Variants in TRHDE observed in about 807,000 individuals in gnomAD.
The protein encoded by TRHDE is thyrotropin-releasing hormone-degrading ectoenzyme.
Under a neutral mutation model 125.7 loss-of-function variants are expected in TRHDE, and 72 were observed. The observed-to-expected ratio is 0.57, with a 90% confidence interval of 0.47 to 0.70. The LOEUF (loss-of-function observed/expected upper bound fraction) is 0.70, where lower values mean the gene tolerates loss of function less well. Among genes scored for constraint, TRHDE ranks in the 30% least tolerant of loss-of-function variants. The probability of loss-of-function intolerance (pLI) is 0.00; values close to 1 mark genes in which losing one functional copy is unlikely to be tolerated. For synonymous variants in TRHDE, 509 were observed against 509.1 expected, an observed-to-expected ratio of 1.00 and a Z score of 0.00; for missense variants, 1,110 against 1,327.1, an observed-to-expected ratio of 0.84 and a Z score of 2.54.
chr12:72,469,178 G>T (rs1876525360), intron 3 of TRHDE, among the ~76,000 whole-genome samples: 1 of 152,130 alleles, frequency 6.6e-6, no homozygotes, highest in Non-Finnish European at 1.5e-5. Context: ...CCAGACCAGA[G>T]CCTGTGGGTC....
intron 2 of TRHDE, among the ~76,000 whole-genome samples, chr12:72,219,952 G>T (rs138009104): frequency 6.6e-6 from 1 of 152,278 alleles, no homozygotes; most frequent in East Asian, 1.9e-4. Flanking sequence ...TTTGCAGAAA[G>T]AAATAACTAA....
intron 2 of TRHDE, among the ~76,000 whole-genome samples, chr12:72,144,280 C>G (rs181217990): frequency 3.2e-4 from 48 of 152,226 alleles, no homozygotes; most frequent in Non-Finnish European, 6.3e-4. Context: ...CTTTGAACCC[C>G]CTCCTCTGCA....
At chr12:72,199,710 T>C (rs1288706837) in intron 2 of TRHDE, among the ~76,000 whole-genome samples, 2 of 152,194 alleles carry the variant, frequency 1.3e-5, no homozygotes, top group Non-Finnish European at 1.5e-5. Context: ...GCAACTGAGA[T>C]AGGCTTTCAA....
At position 72,663,805 on chromosome 12, in the gene TRHDE, T is replaced by C. The variant is rs1875012408; in HGVS notation, c.*610T>C. 6.6e-6 allele frequency: 1 copy of C among 152,298 alleles called. No individual in the cohort carries two copies. Among genetic ancestry groups the C allele is most frequent in the Non-Finnish European group, 1.5e-5 (1 of 68,026 alleles). The allele number at this position is 152,298 out of a possible 1,614,324, so 9.4% of individuals were successfully genotyped here. On this transcript the variant is annotated 3_prime_UTR_variant, in exon 19 of 19. Coordinates refer to ENST00000261180, the MANE Select transcript of TRHDE (RefSeq NM_013381.3). ...TGTCTGGCAATGATTACTGTGTTGC[T>C]AACTCATTTTCTTTGAGTTAAAGCT...
intron 1 of TRHDE, among the ~76,000 whole-genome samples, chr12:72,099,022 G>A (rs971837400): frequency 5.3e-5 from 8 of 152,014 alleles, no homozygotes; most frequent in African/African-American, 7.2e-5. Flanking sequence ...AAAATTTGCC[G>A]GGCATGGTGG....
At chr12:72,407,541 A>G (rs888347224) in intron 3 of TRHDE, among the ~76,000 whole-genome samples, 2 of 152,226 alleles carry the variant, frequency 1.3e-5, no homozygotes, top group Non-Finnish European at 2.9e-5. Context: ...CAACATTTGC[A>G]CTGGAATAAA....
chr12:72,494,755 T>C (rs1877831782), intron 5 of TRHDE, among the ~76,000 whole-genome samples: 1 of 152,144 alleles, frequency 6.6e-6, no homozygotes, highest in African/African-American at 2.4e-5. Context: ...TATTAATAAT[T>C]CCCTTCACAG....
At chr12:72,152,466 T>C (rs1002923898) in intron 2 of TRHDE, among the ~76,000 whole-genome samples, 1 of 152,130 alleles carries the variant, frequency 6.6e-6, no homozygotes, top group Admixed American at 6.5e-5. Context: ...GGCATCCCTG[T>C]CTTGTGCCAG....
At chr12:72,098,841 G>A (rs1874998578) in intron 1 of TRHDE, among the ~76,000 whole-genome samples, 1 of 152,144 alleles carries the variant, frequency 6.6e-6, no homozygotes, top group African/African-American at 2.4e-5. Flanking sequence ...CAGAGGAACT[G>A]CTGAGTCAAA....
At chr12:72,247,525 G>C (rs915944644) in intron 2 of TRHDE, among the ~76,000 whole-genome samples, 1 of 152,120 alleles carries the variant, frequency 6.6e-6, no homozygotes, top group Non-Finnish European at 1.5e-5. Context: ...CAGAAATTTT[G>C]ATTGGGATAG....
intron 2 of TRHDE, among the ~76,000 whole-genome samples, chr12:72,228,881 G>A (rs1176853206): frequency 6.6e-6 from 1 of 152,176 alleles, no homozygotes; most frequent in East Asian, 1.9e-4. Context: ...CATCACAAGA[G>A]TCACCTTTTC....
chr12:72,088,636 T>A (rs1162629750), intron 1 of TRHDE, among the ~76,000 whole-genome samples: 1 of 152,058 alleles, frequency 6.6e-6, no homozygotes, highest in African/African-American at 2.4e-5. Flanking sequence ...AATGATGAAA[T>A]ATCTGGCTAC....
At chr12:72,511,991 A>C (rs540059625) in intron 6 of TRHDE, among the ~76,000 whole-genome samples, 7 of 152,082 alleles carry the variant, frequency 4.6e-5, no homozygotes, top group Non-Finnish European at 8.8e-5. Flanking sequence ...TTGTTAACTA[A>C]TGGTTTAGAT....
At position 72,542,271 on chromosome 12, in the gene TRHDE, TTTA is replaced by T; in HGVS notation, c.1723-14_1723-12del. On this transcript the variant is annotated splice_polypyrimidine_tract_variant and intron_variant, in intron 6 of 18. Coordinates refer to ENST00000261180, the MANE Select transcript of TRHDE (RefSeq NM_013381.3). ...GATACTTTGTTGAAATTCTGTTCTT[TTTA>T]TTATTCTTTCCTATAGGGTGCTGCT... is the stretch of plus-strand genomic sequence containing the variant. The T allele has an allele frequency of 6.4e-7, 1 of 1,564,730 alleles. No homozygotes were observed. The highest frequency in any genetic ancestry group is 2.3e-5 in the East Asian group (1 of 44,264).
At chr12:72,533,554 T>C (rs1291774195) in intron 6 of TRHDE, among the ~76,000 whole-genome samples, 1 of 152,044 alleles carries the variant, frequency 6.6e-6, no homozygotes, top group Non-Finnish European at 1.5e-5. Flanking sequence ...TTAAAAACTT[T>C]TTTCTGTAGC....
intron 2 of TRHDE, among the ~76,000 whole-genome samples, chr12:72,362,273 T>C (rs1204290738): frequency 2.0e-5 from 3 of 150,344 alleles, no homozygotes; most frequent in Admixed American, 6.6e-5. Flanking sequence ...TGTGAGATGG[T>C]ATCTCATTGT....
intron 6 of TRHDE, among the ~76,000 whole-genome samples, chr12:72,521,657 G>A (rs1879199689): frequency 6.6e-6 from 1 of 152,192 alleles, no homozygotes; most frequent in Non-Finnish European, 1.5e-5. Context: ...ATAAGCCCAA[G>A]TAAAGCATGA....
At chr12:72,569,032 C>T (rs1870593963) in intron 10 of TRHDE, among the ~76,000 whole-genome samples, 1 of 152,068 alleles carries the variant, frequency 6.6e-6, no homozygotes, top group Non-Finnish European at 1.5e-5. Flanking sequence ...TTCCTATCTT[C>T]TCTTTACCAG....
intron 2 of TRHDE, among the ~76,000 whole-genome samples, chr12:72,321,198 A>T (rs897758006): frequency 3.9e-5 from 6 of 152,142 alleles, no homozygotes; most frequent in Non-Finnish European, 8.8e-5. Flanking sequence ...GGCAGTTGAC[A>T]CTCAGACACA....
Sources: gnomAD v4.1 joint callset for allele counts (sites outside exome capture counted in the v4.1 genomes callset) on GRCh38, gnomAD v4.1.1 for gene constraint, MANE v1.5 for transcripts, NCBI Gene and HGNC (gene_info 2026-07-23, HGNC 2026-07-21) for gene names.